Variants in KLHDC10 observed in about 807,000 individuals in gnomAD.
KLHDC10 encodes the protein kelch domain-containing protein 10.
A neutral mutation model predicts 56.1 loss-of-function variants in KLHDC10; 24 were observed. The ratio of observed to expected loss-of-function variants is 0.43; its 90% CI spans 0.31 to 0.60. The LOEUF is 0.60. KLHDC10 is among the 20% of genes least tolerant of loss of function. The probability of loss-of-function intolerance (pLI) is 0.11; values close to 1 mark genes in which losing one functional copy is unlikely to be tolerated. For missense variants in KLHDC10, 349 were observed against 567.0 expected (o/e 0.62, Z 3.91); for synonymous variants, 188 against 207.1 (o/e 0.91, Z 0.79).
At chr7:130,112,593 G>T (rs1054397994) in intron 2 of KLHDC10, among the ~76,000 whole-genome samples, 1 of 152,154 alleles carries the variant, frequency 6.6e-6, no homozygotes. Context: ...TTTCAGTTTT[G>T]TCAAGGTTGA....
chr7:130,126,868 C>T (rs1796323073), intron 7 of KLHDC10, among the ~76,000 whole-genome samples: 1 of 152,082 alleles, frequency 6.6e-6, no homozygotes, highest in Non-Finnish European at 1.5e-5. Context: ...TGCCTATAAT[C>T]CCAGCACTTT....
intron 1 of KLHDC10, among the ~76,000 whole-genome samples, chr7:130,092,541 G>C (rs113500103): frequency 0.015 from 2,293 of 152,186 alleles, 56 homozygotes; most frequent in African/African-American, 0.053. Context: ...TACTTGCCAG[G>C]CTCCTTCAGT....
intron 1 of KLHDC10, among the ~76,000 whole-genome samples, chr7:130,096,451 C>T (rs141666258): frequency 9.7e-4 from 148 of 152,150 alleles, no homozygotes; most frequent in South Asian, 8.3e-4. Context: ...CAGCTTATTT[C>T]GTATTTAAAG....
At chr7:130,072,818 G>A (rs1056853232) in intron 1 of KLHDC10, among the ~76,000 whole-genome samples, 3 of 151,230 alleles carry the variant, frequency 2.0e-5, no homozygotes, top group East Asian at 2.0e-4. Flanking sequence ...GTGCAGTGTC[G>A]CGATCTCGGC....
intron 6 of KLHDC10, among the ~76,000 whole-genome samples, chr7:130,125,605 T>A (rs752142232): frequency 9.9e-5 from 15 of 152,198 alleles, no homozygotes; most frequent in Non-Finnish European, 2.2e-4. Context: ...CCTCATTTAA[T>A]GTTTTCCCTT....
At position 130,107,679 on chromosome 7, in the gene KLHDC10, A is replaced by G. The variant is rs1219903963; in HGVS notation, c.254-8766A>G. ...GCCAACATGACGAAACCCAGTCTTT[A>G]CTAAAAATACAAAAATTAGCCGGGC... On this transcript the variant is annotated intron_variant, in intron 2 of 9. Transcript: ENST00000335420. Among the ~76,000 whole-genome samples the G allele has an allele frequency of 3.3e-5, 5 of 151,960 alleles. No individual in the cohort carries two copies. The East Asian group carries it at 7.7e-4, about 24-fold the overall frequency.
chr7:130,086,902 C>T (rs1212087590), intron 1 of KLHDC10, among the ~76,000 whole-genome samples: 1 of 152,222 alleles, frequency 6.6e-6, no homozygotes, highest in African/African-American at 2.4e-5. Flanking sequence ...CCTTATTTTA[C>T]TCTGCTTTCC....
chr7:130,112,284 T>C (rs1216097993), intron 2 of KLHDC10, among the ~76,000 whole-genome samples: 1 of 152,176 alleles, frequency 6.6e-6, no homozygotes, highest in Non-Finnish European at 1.5e-5. Context: ...TACCGTAAGT[T>C]CCTGCTTGCT....
intron 2 of KLHDC10, among the ~76,000 whole-genome samples, chr7:130,111,088 A>G (rs186682068): frequency 1.5e-3 from 227 of 152,316 alleles, no homozygotes; most frequent in South Asian, 2.3e-3. Flanking sequence ...GGCATTTCAA[A>G]TAAGTATAGG....
At chr7:130,109,996 A>G (rs1474461030) in intron 2 of KLHDC10, among the ~76,000 whole-genome samples, 1 of 152,184 alleles carries the variant, frequency 6.6e-6, no homozygotes, top group African/African-American at 2.4e-5. Context: ...TTCTGTTGTC[A>G]TGTATCTTTA....
At position 130,135,472 on chromosome 7, in the gene KLHDC10, C is replaced by T. The variant is rs946902210; in HGVS notation, c.*4726C>T. The T allele has an allele frequency of 1.3e-5, 2 of 154,376 alleles. No homozygotes were observed. The highest frequency in any genetic ancestry group is 2.9e-5 in the Non-Finnish European group (2 of 68,216). The allele number at this position is 154,376 out of a possible 1,614,324, so 9.6% of individuals were successfully genotyped here. A position where few individuals can be genotyped will look rare whatever the true frequency, so the allele number is the denominator to read the frequency against. On this transcript the variant is annotated 3_prime_UTR_variant, in exon 10 of 10. Coordinates refer to ENST00000335420, the MANE Select transcript of KLHDC10 (RefSeq NM_014997.4). ...TGCTTGGGCCATACACAATGCTCGCCTTACTTTAAAGCTATTTTGCCACAG... is the reference window on the plus strand; with the variant it reads ...TGCTTGGGCCATACACAATGCTCGCTTTACTTTAAAGCTATTTTGCCACAG...
At position 130,135,690 on chromosome 7, in the gene KLHDC10, A is replaced by G. The variant is rs1229309320; in HGVS notation, c.*4944A>G. 6.5e-6 allele frequency: 1 copy of G among 154,270 alleles called. No individual in the cohort carries two copies. The highest frequency in any genetic ancestry group is 1.5e-5 in the Non-Finnish European group (1 of 68,228). 9.6% of individuals were successfully genotyped at this position (154,270 alleles called of 1,614,324 possible). A position where few individuals can be genotyped will look rare whatever the true frequency, so the allele number is the denominator to read the frequency against. Reference sequence around the variant, plus strand: ...TTTTCTAAAACAATCTGATCAATAAATCTTATCCAAATCAATTTGGTTCAA... The same window carrying G: ...TTTTCTAAAACAATCTGATCAATAAGTCTTATCCAAATCAATTTGGTTCAA... On this transcript the variant is annotated 3_prime_UTR_variant, in exon 10 of 10. Transcript: ENST00000335420.
intron 2 of KLHDC10, among the ~76,000 whole-genome samples, chr7:130,112,988 AACAG>A (rs1385193956): frequency 2.0e-5 from 3 of 152,216 alleles, no homozygotes; most frequent in African/African-American, 7.2e-5. Context: ...AAAAAAGTAA[AACAG>A]ACAGGTAACA....
chr7:130,116,578 G>A lies in KLHDC10; in HGVS notation c.387G>A (p.Arg129=). 6.2e-7 allele frequency: 1 copy of A among 1,614,106 alleles called. No individual in the cohort carries two copies. Among genetic ancestry groups the A allele is most frequent in the Non-Finnish European group, 8.5e-7 (1 of 1,180,002 alleles). The change falls in exon 3 of 10, where the codon AGG becomes AGA. Residue 129 remains arginine, a synonymous_variant. Transcript: ENST00000335420. The surrounding 1 kb of genome is among the most constrained non-coding windows in gnomAD (Gnocchi z 4.8). Reference sequence around the variant, plus strand: ...ATAATGAAGACTATCCTCTCTTCAGGGAACTCTGGAGGTATCATTTTGCTA... The same window carrying A: ...ATAATGAAGACTATCCTCTCTTCAGAGAACTCTGGAGGTATCATTTTGCTA... The part of the protein sequence containing the change: ...GPDNEDYPLF[R]ELWRYHFATG...
intron 2 of KLHDC10, among the ~76,000 whole-genome samples, chr7:130,103,446 T>G (rs1200977797): frequency 6.6e-6 from 1 of 151,514 alleles, no homozygotes; most frequent in African/African-American, 2.4e-5. Flanking sequence ...ATCTGAGTTT[T>G]CACGTATAAA....
At chr7:130,106,049 T>TTCA (rs1290038549) in intron 2 of KLHDC10, among the ~76,000 whole-genome samples, 1 of 151,994 alleles carries the variant, frequency 6.6e-6, no homozygotes, top group Non-Finnish European at 1.5e-5. Context: ...CTCGGGAGAC[T>TTCA]GAGACAGGAG....
chr7:130,070,555 G>C lies in KLHDC10; in HGVS notation c.-89G>C, dbSNP rs894286540. 2 of 1,207,518 alleles carry C rather than the reference G, an allele frequency of 1.7e-6. No individual in the cohort carries two copies. The highest frequency in any genetic ancestry group is 2.1e-6 in the Non-Finnish European group (2 of 955,318). 74.8% of individuals were successfully genotyped at this position (1,207,518 alleles called of 1,614,324 possible). A position where few individuals can be genotyped will look rare whatever the true frequency, so the allele number is the denominator to read the frequency against. On this transcript the variant is annotated 5_prime_UTR_variant, in exon 1 of 10. Coordinates refer to ENST00000335420, the MANE Select transcript of KLHDC10 (RefSeq NM_014997.4). ...CGCTGCCCCCTTCCCCTGTCTCCTG[G>C]GTCTCTGGAGGAGCCCAGGAAGGAG...
chr7:130,130,705 C>T lies in KLHDC10; in HGVS notation c.1288C>T (p.His430Tyr), dbSNP rs954057039. ...AAACCTCTCCCGAACACAACTTCTGCACCTTGGACTCACACAGGGACTCAT... is the reference window on the plus strand; with the variant it reads ...AAACCTCTCCCGAACACAACTTCTGTACCTTGGACTCACACAGGGACTCAT... Reference protein sequence around the residue: ...LANLSRTQLLHLGLTQGLIER... With the variant: ...LANLSRTQLLYLGLTQGLIER... Residue 430 changes from histidine to tyrosine, a missense_variant, in exon 10 of 10, where the codon CAC (histidine) becomes TAC (tyrosine). This residue lies in a region of KLHDC10 where 245 missense variants were observed against 470.1 expected (regional missense o/e 0.52). Coordinates refer to ENST00000335420, the MANE Select transcript of KLHDC10 (RefSeq NM_014997.4). The surrounding 1 kb of genome is among the most constrained non-coding windows in gnomAD (Gnocchi z 4.2). 6.2e-7 allele frequency: 1 copy of T among 1,614,044 alleles called. No homozygotes were observed. The highest frequency in any genetic ancestry group is 8.5e-7 in the Non-Finnish European group (1 of 1,180,032).
At chr7:130,072,696 A>G (rs1227798013) in intron 1 of KLHDC10, among the ~76,000 whole-genome samples, 2 of 152,158 alleles carry the variant, frequency 1.3e-5, no homozygotes, top group African/African-American at 4.8e-5. Context: ...GGGGAGGAAT[A>G]GGATGTCTAG....
Sources: gnomAD v4.1 joint callset for allele counts (sites outside exome capture counted in the v4.1 genomes callset) on GRCh38, gnomAD v4.1.1 for gene constraint, gnomAD v4.1.1 regional missense constraint, Gnocchi (gnomAD v3.1) non-coding constraint, MANE v1.5 for transcripts, NCBI Gene and HGNC (gene_info 2026-07-23, HGNC 2026-07-21) for gene names.